Variants in MAP2K6 observed in about 807,000 individuals in gnomAD.
MAP2K6 encodes mitogen-activated protein kinase kinase 6, also known as dual specificity mitogen-activated protein kinase kinase 6.
Under a neutral mutation model 53.7 loss-of-function variants are expected in MAP2K6, and 16 were observed. The observed-to-expected ratio is 0.30, with a 90% confidence interval of 0.20 to 0.45. The LOEUF is 0.45. Ranked by LOEUF, MAP2K6 falls within the 20% of genes least tolerant of loss-of-function variation. The pLI, the probability that MAP2K6 is intolerant of heterozygous loss-of-function variation, is 1.00. For missense variants in MAP2K6, 204 were observed against 411.9 expected (o/e 0.50, Z 4.37); for synonymous variants, 132 against 143.1 (o/e 0.92, Z 0.55).
chr17:69,522,755 A>G (rs886544949), intron 7 of MAP2K6, among the ~76,000 whole-genome samples: 1 of 152,090 alleles, frequency 6.6e-6, no homozygotes, highest in African/African-American at 2.4e-5. Context: ...AGAGGTTTCA[A>G]TCAAAATCTG....
chr17:69,553,735 G>C lies in MAP2K6; in HGVS notation c.*11982G>C, dbSNP rs1912188768. ...CACCCAACCACCTTTTTCCGTCAAA[G>C]TGCTTGCTATGGCTTTCATAGCTGG... On this transcript the variant is annotated 3_prime_UTR_variant, in exon 12 of 12. Transcript: ENST00000590474. The C allele has an allele frequency of 6.6e-6, 1 of 152,220 alleles. No individual in the cohort carries two copies. The allele number at this position is 152,220 out of a possible 1,614,324, so 9.4% of individuals were successfully genotyped here. A position where few individuals can be genotyped will look rare whatever the true frequency, so the allele number is the denominator to read the frequency against.
At chr17:69,508,368 A>G (rs1909637498) in intron 2 of MAP2K6, among the ~76,000 whole-genome samples, 1 of 152,066 alleles carries the variant, frequency 6.6e-6, no homozygotes, top group Non-Finnish European at 1.5e-5. Context: ...TGCCCAGCCT[A>G]TATGTAGTTT....
chr17:69,526,441 C>T, intron 9 of MAP2K6, 129 bp from the exon 10 acceptor site: 1 of 912,944 alleles, frequency 1.1e-6, no homozygotes, highest in Non-Finnish European at 1.7e-6. Flanking sequence ...ATTTCCTGCC[C>T]CCCTACCCCT....
At chr17:69,427,767 A>G (rs1472637134) in intron 1 of MAP2K6, among the ~76,000 whole-genome samples, 3 of 152,204 alleles carry the variant, frequency 2.0e-5, no homozygotes, top group East Asian at 3.8e-4. Context: ...ATCTCATTCA[A>G]GTGGCCTGCA....
At chr17:69,535,993 G>A in intron 10 of MAP2K6, 122 bp from the exon 11 acceptor site, 1 of 668,026 alleles carries the variant, frequency 1.5e-6, no homozygotes, top group East Asian at 2.8e-5. Context: ...CAAGATAGGA[G>A]GCTGTGTTTT....
rs1373471486 is a variant in MAP2K6, at chr17:69,542,867, A to G, written c.*1114A>G. The G allele has an allele frequency of 6.6e-6, 1 of 152,180 alleles. No homozygotes were observed. The highest frequency in any genetic ancestry group is 1.5e-5 in the Non-Finnish European group (1 of 68,026). 9.4% of individuals were successfully genotyped at this position (152,180 alleles called of 1,614,324 possible). On this transcript the variant is annotated 3_prime_UTR_variant, in exon 12 of 12. Coordinates refer to ENST00000590474, the MANE Select transcript of MAP2K6 (RefSeq NM_002758.4). ...GCCTTACTATTCATAGAAGGGCTAG[A>G]ATAGGAGAAAATGAAAGGTAGTGAG...
intron 1 of MAP2K6, among the ~76,000 whole-genome samples, chr17:69,497,166 G>A (rs1908985423): frequency 6.6e-6 from 1 of 152,110 alleles, no homozygotes; most frequent in Non-Finnish European, 1.5e-5. Flanking sequence ...TCTGTACATA[G>A]GTAAGAAGAC....
At chr17:69,505,442 C>CAAAAAAA (rs33993512) in intron 1 of MAP2K6, 1 of 113,988 alleles carries the variant, frequency 8.8e-6, no homozygotes, top group African/African-American at 4.3e-5. Context: ...GACTCTGTCT[C>CAAAAAAA]AAAAAAAAAA....
chr17:69,462,195 A>G lies in MAP2K6; in HGVS notation c.17-43585A>G, dbSNP rs187075129. ...AATATAGCAAGGCACAACACTGGCC[A>G]TAGAGGACACGAGAACCTCTACCTC... On this transcript the variant is annotated intron_variant, in intron 1 of 11. Transcript: ENST00000590474. Among the ~76,000 whole-genome samples, 3 of 152,318 alleles carry G rather than the reference A, an allele frequency of 2.0e-5. No individual in the cohort carries two copies. In the East Asian group the frequency reaches 5.8e-4, roughly 29 times the overall value.
In MAP2K6 at chr17:69,457,103, C is replaced by T. The variant is rs539828452; in HGVS notation, c.16+42103C>T. On this transcript the variant is annotated intron_variant, in intron 1 of 11. Transcript: ENST00000590474. ...TAAATCAAATGTCTTCTCTGTGAGA[C>T]CTCCTCAGCAAGAGTTCCTACCCCA... 4.6e-5 allele frequency among the ~76,000 whole-genome samples: 7 copies of T among 152,318 alleles called. No homozygotes were observed. The East Asian group carries it at 9.6e-4, about 21-fold the overall frequency.
intron 6 of MAP2K6, chr17:69,520,618 C>A: frequency 2.0e-6 from 1 of 492,652 alleles, no homozygotes; most frequent in Admixed American, 3.9e-5. Flanking sequence ...CTAAGTGCTG[C>A]ATTCATCAGC....
intron 9 of MAP2K6, among the ~76,000 whole-genome samples, chr17:69,525,351 T>C (rs564404500): frequency 4.3e-4 from 66 of 152,320 alleles, no homozygotes; most frequent in Middle Eastern, 3.4e-3. Context: ...CAAAGAATGC[T>C]AATGTGCGTG....
intron 1 of MAP2K6, among the ~76,000 whole-genome samples, chr17:69,449,815 A>C (rs12943473): frequency 6.7e-6 from 1 of 149,672 alleles, no homozygotes; most frequent in Non-Finnish European, 1.5e-5. Flanking sequence ...GGGTTTCACC[A>C]TGTTAGCCAG....
At chr17:69,512,328 GT>G (rs796414361) in intron 2 of MAP2K6, among the ~76,000 whole-genome samples, 5 of 75,206 alleles carry the variant, frequency 6.6e-5, no homozygotes, top group Admixed American at 1.6e-4. Context: ...CTTTCTAAGT[GT>G]TTTTTTTTTG....
At chr17:69,507,491 C>T (rs970838854) in intron 2 of MAP2K6, among the ~76,000 whole-genome samples, 10 of 152,160 alleles carry the variant, frequency 6.6e-5, no homozygotes, top group Admixed American at 6.5e-4. Flanking sequence ...CCTCTTCTCC[C>T]CATCTCCGTC....
chr17:69,514,392 G>T (rs1236194916), intron 2 of MAP2K6, among the ~76,000 whole-genome samples: 4 of 152,082 alleles, frequency 2.6e-5, no homozygotes, highest in Non-Finnish European at 5.9e-5. Flanking sequence ...GCATGTGTGT[G>T]TGTTTTGTTT....
chr17:69,502,354 C>T (rs374602168), intron 1 of MAP2K6: 3 of 985,318 alleles, frequency 3.0e-6, no homozygotes, highest in South Asian at 4.7e-5. Flanking sequence ...CTTGCAGCCT[C>T]GAAAACCTCA....
At chr17:69,476,765 G>A (rs1358150943) in intron 1 of MAP2K6, among the ~76,000 whole-genome samples, 2 of 152,218 alleles carry the variant, frequency 1.3e-5, no homozygotes, top group Non-Finnish European at 2.9e-5. Context: ...GGGCCTGGCT[G>A]ATATCTGTGA....
At chr17:69,532,290 G>A (rs2716195) in intron 10 of MAP2K6, among the ~76,000 whole-genome samples, 37,716 of 152,158 alleles carry the variant, frequency 0.25, 6,117 homozygotes, top group African/African-American at 0.46. Flanking sequence ...TTCTGTGGAT[G>A]TACCAAATAG....
Sources: gnomAD v4.1 joint callset for allele counts (sites outside exome capture counted in the v4.1 genomes callset) on GRCh38, gnomAD v4.1.1 for gene constraint, MANE v1.5 for transcripts, NCBI Gene and HGNC (gene_info 2026-07-23, HGNC 2026-07-21) for gene names.